The following SLC71A2 variants were observed in gnomAD, a reference collection of about 807,000 sequenced individuals.
The protein encoded by SLC71A2 is solute carrier family 71 member 2.
the SLC71A2 span, among the ~76,000 whole-genome samples, chr9:94,378,514 G>C: frequency 2.6e-5 from 4 of 151,916 alleles, no homozygotes; most frequent in East Asian, 7.8e-4. Context: ...TGTAGTCCTA[G>C]CTACCTGGGA....
the SLC71A2 span, among the ~76,000 whole-genome samples, chr9:94,413,659 C>A: frequency 2.7e-3 from 275 of 101,862 alleles, no homozygotes; most frequent in East Asian, 6.1e-3. Context: ...GACTTCATCT[C>A]AAAAAAAAAA....
At chr9:94,394,916 T>TC in the SLC71A2 span, among the ~76,000 whole-genome samples, 3 of 48,670 alleles carry the variant, frequency 6.2e-5, no homozygotes, top group African/African-American at 1.0e-4. Context: ...ACTTTTTTTG[T>TC]TTTTTTTTTT....
At chr9:94,445,490 G>A in the SLC71A2 span, among the ~76,000 whole-genome samples, 4 of 152,268 alleles carry the variant, frequency 2.6e-5, no homozygotes, top group East Asian at 5.8e-4. Context: ...AGTGAAAGTG[G>A]TCATTTGAAG....
chr9:94,375,436 C>T, the SLC71A2 span, among the ~76,000 whole-genome samples: 3 of 151,456 alleles, frequency 2.0e-5, no homozygotes, highest in Non-Finnish European at 4.4e-5. Context: ...TTAGGCTGGC[C>T]TCTTTCTCCA....
At chr9:94,455,378 ATTTTT>A in the SLC71A2 span, among the ~76,000 whole-genome samples, 684 of 85,796 alleles carry the variant, frequency 8.0e-3, 4 homozygotes, top group African/African-American at 0.031. Flanking sequence ...TAATATTCTG[ATTTTT>A]TTTTTTTTTT....
At chr9:94,381,028 A>T in the SLC71A2 span, among the ~76,000 whole-genome samples, 2 of 65,674 alleles carry the variant, frequency 3.0e-5, no homozygotes, top group South Asian at 7.5e-4. Flanking sequence ...ATTGGCTTGA[A>T]TTTTCTTCCC....
the SLC71A2 span, among the ~76,000 whole-genome samples, chr9:94,382,840 C>T: frequency 6.6e-6 from 1 of 152,052 alleles, no homozygotes; most frequent in Non-Finnish European, 1.5e-5. Flanking sequence ...CCACGCCTGG[C>T]TAATTTTTTG....
chr9:94,413,637 G>A, the SLC71A2 span, among the ~76,000 whole-genome samples: 1 of 107,558 alleles, frequency 9.3e-6, no homozygotes, highest in Admixed American at 1.4e-4. Flanking sequence ...TCCAGCCTGG[G>A]CAACAAAGCG....
chr9:94,399,123 T>G, the SLC71A2 span, among the ~76,000 whole-genome samples: 2 of 152,196 alleles, frequency 1.3e-5, no homozygotes, highest in Non-Finnish European at 2.9e-5. Context: ...GGCCGGCTCT[T>G]TCAGCTTTTA....
the SLC71A2 span, among the ~76,000 whole-genome samples, chr9:94,418,343 T>G: frequency 2.0e-5 from 3 of 152,260 alleles, no homozygotes; most frequent in African/African-American, 7.2e-5. Context: ...TTTAGTGGAT[T>G]GTTGATTTGG....
At chr9:94,388,627 G>A in the SLC71A2 span, among the ~76,000 whole-genome samples, 3 of 151,830 alleles carry the variant, frequency 2.0e-5, no homozygotes, top group Non-Finnish European at 2.9e-5. Context: ...TATGTAAATC[G>A]GCTACACAAC....
chr9:94,434,900 A>C, the SLC71A2 span, among the ~76,000 whole-genome samples: 1 of 152,212 alleles, frequency 6.6e-6, no homozygotes, highest in African/African-American at 2.4e-5. Context: ...TATTGCTTCC[A>C]GCATCCAAAC....
At chr9:94,384,365 C>A in the SLC71A2 span, among the ~76,000 whole-genome samples, 5 of 135,340 alleles carry the variant, frequency 3.7e-5, no homozygotes, top group African/African-American at 1.3e-4. Context: ...GACACATGGT[C>A]TCTCTCTCTG....
the SLC71A2 span, among the ~76,000 whole-genome samples, chr9:94,396,233 G>A: frequency 3.3e-5 from 5 of 149,460 alleles, no homozygotes; most frequent in African/African-American, 9.9e-5. Flanking sequence ...AGTGGAGTTG[G>A]CGCCAGGCGC....
the SLC71A2 span, among the ~76,000 whole-genome samples, chr9:94,419,958 C>G: frequency 6.6e-6 from 1 of 152,154 alleles, no homozygotes; most frequent in Admixed American, 6.5e-5. Context: ...TTAAACACCT[C>G]GAGCCAGTAA....
At chr9:94,439,022 G>GTTTTTTTT in the SLC71A2 span, among the ~76,000 whole-genome samples, 14,534 of 113,836 alleles carry the variant, frequency 0.13, 1,186 homozygotes, top group Non-Finnish European at 0.15. Flanking sequence ...ATTTGAGTTC[G>GTTTTTTTT]TTTTTTTTTT....
the SLC71A2 span, among the ~76,000 whole-genome samples, chr9:94,383,572 T>A: frequency 6.6e-6 from 1 of 152,160 alleles, no homozygotes; most frequent in Non-Finnish European, 1.5e-5. Context: ...GCAGTCTTGA[T>A]TACTGGAGGT....
At chr9:94,441,924 A>G in the SLC71A2 span, among the ~76,000 whole-genome samples, 8 of 152,376 alleles carry the variant, frequency 5.3e-5, no homozygotes, top group Middle Eastern at 3.4e-3. Context: ...AGCGTTTTAC[A>G]TCAGTGTCAG....
At chr9:94,456,218 T>C in the SLC71A2 span, 6 of 1,593,852 alleles carry the variant, frequency 3.8e-6, no homozygotes, top group Non-Finnish European at 5.2e-6. Context: ...GCTGCCTGAC[T>C]GTGCCTGTCC....
Sources: gnomAD v4.1 joint callset for allele counts (sites outside exome capture counted in the v4.1 genomes callset) on GRCh38, gnomAD v4.1.1 for gene constraint, MANE v1.5 for transcripts, NCBI Gene and HGNC (gene_info 2026-07-23, HGNC 2026-07-21) for gene names.